Variants in THBS3 observed in about 807,000 individuals in gnomAD.
THBS3 encodes thrombospondin-3.
A neutral mutation model predicts 118.3 loss-of-function variants in THBS3; 78 were observed. That is an observed-to-expected ratio of 0.66 (90% CI 0.55 to 0.80). The LOEUF is 0.80. THBS3 is among the 30% of genes least tolerant of loss of function. The pLI is 0.00. For missense variants in THBS3, 1,057 were observed against 1,247.4 expected, an observed-to-expected ratio of 0.85 and a Z score of 2.30; for synonymous variants, 427 against 475.3, an observed-to-expected ratio of 0.90 and a Z score of 1.32.
chr1:155,196,155 C>T (rs1668631529), intron 21 of THBS3, 29 bp from the exon 22 acceptor site: 3 of 1,613,048 alleles, frequency 1.9e-6, no homozygotes, highest in South Asian at 1.1e-5. Context: ...TAGGAGTATC[C>T]ATTGGTGCTA....
chr1:155,198,646 C>T, intron 16 of THBS3, 44 bp from the exon 17 acceptor site: 1 of 1,579,446 alleles, frequency 6.3e-7, no homozygotes, highest in Non-Finnish European at 8.7e-7. Context: ...TAAAGGTACT[C>T]CTTGTCCTTC....
intron 16 of THBS3, 26 bp downstream of exon 16, chr1:155,199,778 C>A (rs1262055754): frequency 6.2e-7 from 1 of 1,613,680 alleles, no homozygotes; most frequent in East Asian, 2.2e-5. Flanking sequence ...AAAGAAAGAC[C>A]TTGCGTCTCT....
chr1:155,197,914 A>T lies in THBS3; in HGVS notation c.2268T>A (p.Val756=). ...AGCCAGGGTCACTGTTCATGGTCTG[A>T]ACGATTTCCATGCCCTGGGGTTGTA... is the stretch of plus-strand genomic sequence containing the variant. ...WVVLNQGMEI[V]QTMNSDPGLA... is the part of the protein sequence containing the mutation. The change falls in exon 19 of 23, where the codon GTT becomes GTA. Residue 756 remains valine, a synonymous_variant. Transcript: ENST00000368378. The surrounding 1 kb of genome is among the most constrained non-coding windows in gnomAD (Gnocchi z 5.0). The T allele has an allele frequency of 6.2e-7, 1 of 1,614,010 alleles. No individual in the cohort carries two copies. The highest frequency in any genetic ancestry group is 1.1e-5 in the South Asian group (1 of 91,072).
chr1:155,209,009 C>G (rs778092146), upstream of THBS3: 1 of 1,591,276 alleles, frequency 6.3e-7, no homozygotes, highest in African/African-American at 1.3e-5. Flanking sequence ...GCGCGCCGGG[C>G]CGACAGCGCT....
chr1:155,202,273 C>T lies in THBS3; in HGVS notation c.1086G>A (p.Arg362=). The T allele has an allele frequency of 6.2e-7, 1 of 1,613,988 alleles. No homozygotes were observed. Among genetic ancestry groups the T allele is most frequent in the Non-Finnish European group, 8.5e-7 (1 of 1,179,958 alleles). Residue 362 remains arginine (R), a synonymous_variant, in exon 9 of 23, where the codon CGG becomes CGA. Transcript: ENST00000368378. This position sits in a 1 kb window ranked among gnomAD's most constrained non-coding sequence, Gnocchi z 5.5. ...QVSGVGIDYA[R]ASKQVCNDID... ...TACCCAGTCTGACCTGTTTGCTGGC[C>T]CGGGCATAGTCAATGCCCACACCAG...
Position 155,197,001 on chromosome 1 carries a change from C to A in THBS3, c.2672+40G>T. 6.3e-7 allele frequency: 1 copy of A among 1,594,032 alleles called. No homozygotes were observed. The highest frequency in any genetic ancestry group is 8.6e-7 in the Non-Finnish European group (1 of 1,165,028). Reference sequence around the variant, plus strand: ...CCCAGCTAAAGAGGAAGGACAGGCCCGGCCTGAGTCCCACAGGTGGGCTCA... The same window carrying A: ...CCCAGCTAAAGAGGAAGGACAGGCCAGGCCTGAGTCCCACAGGTGGGCTCA... On this transcript the variant is annotated intron_variant, in intron 21 of 22. Transcript: ENST00000368378. The surrounding 1 kb of genome is among the most constrained non-coding windows in gnomAD (Gnocchi z 5.0).
At position 155,202,815 on chromosome 1, in the gene THBS3, A is replaced by G; in HGVS notation, c.954T>C (p.Asn318=). 6.2e-7 allele frequency: 1 copy of G among 1,611,070 alleles called. No homozygotes were observed. Among genetic ancestry groups the G allele is most frequent in the Non-Finnish European group, 8.5e-7 (1 of 1,178,694 alleles). The change falls in exon 8 of 23, where the codon AAT becomes AAC. Residue 318 remains asparagine (N), a synonymous_variant. Coordinates refer to ENST00000368378, the MANE Select transcript of THBS3 (RefSeq NM_007112.5). The surrounding 1 kb of genome is among the most constrained non-coding windows in gnomAD (Gnocchi z 5.5). ...QGNGTHCSDI[N]ECAHADPCFP... ...TCTGGGCTCTGACCTCCCTCACCTC[A>G]TTGATGTCACTGCAGTGGGTGCCGT...
At chr1:155,203,611 G>T in intron 4 of THBS3, 72 bp from the exon 5 acceptor site, 1 of 1,577,426 alleles carries the variant, frequency 6.3e-7, no homozygotes, top group Non-Finnish European at 8.7e-7. Context: ...TGAGAAGGAG[G>T]AAGGAAGGTG....
chr1:155,200,627 G>C lies in THBS3; in HGVS notation c.1549-17C>G, dbSNP rs1167829087. 1.2e-6 allele frequency: 2 copies of C among 1,609,408 alleles called. No homozygotes were observed. The highest frequency in any genetic ancestry group is 1.7e-6 in the Non-Finnish European group (2 of 1,176,134). ...GCAGTTGTCCTGGGCAGAGGGGTGG[G>C]AGGGGAAGGGTCAGGTCTCCCCTAA... On this transcript the variant is annotated splice_polypyrimidine_tract_variant and intron_variant, in intron 13 of 22. Transcript: ENST00000368378.
intron 1 of THBS3, among the ~76,000 whole-genome samples, chr1:155,207,195 ACTGAGGACT>A (rs1670676553): frequency 6.6e-6 from 1 of 152,186 alleles, no homozygotes; most frequent in Non-Finnish European, 1.5e-5. Context: ...ACAGCTGCCC[ACTGAGGACT>A]CTAACCCTCC....
In THBS3 at chr1:155,196,422, G is replaced by A. The variant is rs573573624; in HGVS notation, c.2673-296C>T. 244 of 435,450 alleles carry A rather than the reference G, an allele frequency of 5.6e-4. 1 individual carries two copies. The South Asian group carries it at 6.6e-3, about 12-fold the overall frequency. 27.0% of individuals were successfully genotyped at this position (435,450 alleles called of 1,614,324 possible). ...AATGGGCTGGGGGGTGAAGTCACCC[G>A]CTTCCCAGGCTCTAGTCCACCCCCT... On this transcript the variant is annotated intron_variant, in intron 21 of 22. Transcript: ENST00000368378.
chr1:155,207,652 A>C, intron 1 of THBS3, 146 bp downstream of exon 1: 1 of 805,586 alleles, frequency 1.2e-6, no homozygotes, highest in African/African-American at 1.7e-5. Flanking sequence ...CCATAATTTC[A>C]CCAACTCTAG....
upstream of THBS3, chr1:155,209,101 T>G (rs1379485040): frequency 6.5e-7 from 1 of 1,543,134 alleles, no homozygotes; most frequent in African/African-American, 1.4e-5. Flanking sequence ...GCAGTTCAGC[T>G]GCCAGTCGGG....
Position 155,200,057 on chromosome 1 carries a change from T to C in THBS3, c.1765A>G (p.Arg589Gly). Residue 589 changes from arginine (R) to glycine (G), a missense_variant, in exon 15 of 23, where the codon AGG becomes GGG. This residue lies in a region of THBS3 where 544 missense variants were observed against 715.6 expected (regional missense o/e 0.76). Transcript: ENST00000368378. Reference protein sequence around the residue: ...PKVPNPLQTDRDEDGVGDACD... With the variant: ...PKVPNPLQTDGDEDGVGDACD... ...GCATCTCCCACCCCGTCCTCATCCC[T>C]GTCTGTCTGTAGTGGGTTGGGGACT... The C allele has an allele frequency of 6.2e-7, 1 of 1,602,480 alleles. No individual in the cohort carries two copies. Among genetic ancestry groups the C allele is most frequent in the Non-Finnish European group, 8.5e-7 (1 of 1,173,776 alleles).
rs371444927 is a variant in THBS3, at chr1:155,196,061, C to T, written c.2738G>A (p.Arg913Gln). The T allele has an allele frequency of 3.4e-5, 55 of 1,614,060 alleles. No individual in the cohort carries two copies. The highest frequency in any genetic ancestry group is 5.5e-5 in the South Asian group (5 of 91,080). The change falls in exon 22 of 23, where the codon CGA becomes CAA. Residue 913 changes from arginine (R) to glutamine (Q), a missense_variant. This residue lies in a region of THBS3 where 307 missense variants were observed against 326.1 expected (regional missense o/e 0.94). Transcript: ENST00000368378. The part of the protein sequence containing the change: ...DSGVIIDTSM[R>Q]GGRLGVFCFS... ...GCAGAATACACCAAGACGCCCCCCT[C>T]GCATGGATGTGTCAATGATCACCCC...
rs548239420 is a variant in THBS3, at chr1:155,202,587, C to T, written c.958-186G>A. ...CTCTCTCCCTCCCCATGCCACTGGT[C>T]ACCATCTCAAGCCTCCCCTGCAGTT... On this transcript the variant is annotated intron_variant, in intron 8 of 22. Coordinates refer to ENST00000368378, the MANE Select transcript of THBS3 (RefSeq NM_007112.5). The surrounding 1 kb of genome is among the most constrained non-coding windows in gnomAD (Gnocchi z 5.5). 2.0e-5 allele frequency among the ~76,000 whole-genome samples: 3 copies of T among 152,278 alleles called. No homozygotes were observed. The highest frequency in any genetic ancestry group is 1.9e-4 in the East Asian group (1 of 5,186).
upstream of THBS3, chr1:155,208,805 A>G: frequency 2.6e-6 from 4 of 1,544,190 alleles, 1 homozygote; most frequent in East Asian, 2.4e-5. Flanking sequence ...TGTGGAAAAC[A>G]TGCTGCTCGG....
upstream of THBS3, chr1:155,208,826 C>A (rs1243337123): frequency 3.4e-5 from 53 of 1,576,500 alleles, no homozygotes; most frequent in Non-Finnish European, 4.6e-5. Flanking sequence ...GGGACCCCCC[C>A]GCAGTCCCCG....
intron 2 of THBS3, among the ~76,000 whole-genome samples, chr1:155,205,776 T>C (rs921132886): frequency 2.0e-5 from 3 of 152,184 alleles, no homozygotes; most frequent in Non-Finnish European, 4.4e-5. Flanking sequence ...AGACTCCATT[T>C]AAAAAAATAA....
Sources: allele counts gnomAD v4.1 joint callset (sites outside exome capture counted in the v4.1 genomes callset), GRCh38; gene constraint gnomAD v4.1.1; regional missense constraint gnomAD v4.1.1; non-coding constraint Gnocchi (gnomAD v3.1); transcripts MANE v1.5; gene names NCBI Gene and HGNC (gene_info 2026-07-23, HGNC 2026-07-21).